RNF220: variants seen among roughly 807,000 people sequenced by gnomAD.
RNF220 encodes the protein E3 ubiquitin-protein ligase RNF220.
In RNF220, 7 loss-of-function variants were observed where a neutral mutation model predicts 67.1. The observed-to-expected ratio is 0.10, with a 90% CI of 0.06 to 0.20. RNF220 has a LOEUF of 0.20. Among genes scored for constraint, RNF220 ranks in the 10% least tolerant of loss-of-function variants. The probability of loss-of-function intolerance (pLI) is 1.00; values close to 1 mark genes in which losing one functional copy is unlikely to be tolerated. For synonymous variants in RNF220, 270 were observed against 283.2 expected (o/e 0.95, Z 0.47); for missense variants, 565 against 740.3 (o/e 0.76, Z 2.75).
chr1:44,530,640 A>G (rs1660769785), intron 2 of RNF220, among the ~76,000 whole-genome samples: 1 of 152,184 alleles, frequency 6.6e-6, no homozygotes, highest in Non-Finnish European at 1.5e-5. Flanking sequence ...GTAGCACAGC[A>G]AATTATAGCA....
intron 6 of RNF220, 94 bp downstream of exon 6, chr1:44,632,479 G>C (rs992781490): frequency 3.9e-5 from 49 of 1,252,508 alleles, no homozygotes; most frequent in African/African-American, 1.4e-4. Flanking sequence ...GGGTCTCTTC[G>C]ACTCTGGGGC....
intron 6 of RNF220, chr1:44,635,159 T>G (rs1042225559): frequency 5.6e-6 from 1 of 178,340 alleles, no homozygotes; most frequent in Middle Eastern, 2.2e-3. Flanking sequence ...AGTCAAGAGA[T>G]GCTCTTTAGA....
chr1:44,590,651 G>A (rs1381004946), intron 2 of RNF220, among the ~76,000 whole-genome samples: 1 of 152,220 alleles, frequency 6.6e-6, no homozygotes, highest in Admixed American at 6.5e-5. Context: ...CTATTACTCA[G>A]GAGGCCATGG....
intron 2 of RNF220, among the ~76,000 whole-genome samples, chr1:44,552,777 G>T (rs943001831): frequency 6.6e-6 from 1 of 151,810 alleles, no homozygotes; most frequent in African/African-American, 2.4e-5. Flanking sequence ...CACCTTGTTA[G>T]CCAGGATGGC....
chr1:44,413,351 C>T (rs1191936161), intron 2 of RNF220, among the ~76,000 whole-genome samples: 1 of 152,168 alleles, frequency 6.6e-6, no homozygotes, highest in Admixed American at 6.5e-5. Context: ...GGATGCTTAT[C>T]CTGGGGCTCA....
chr1:44,643,071 C>G (rs1044133652), intron 8 of RNF220: 1 of 152,530 alleles, frequency 6.6e-6, no homozygotes, highest in African/African-American at 2.4e-5. Context: ...TGCTGCTGAC[C>G]TGACCTGCCT....
rs779591016 is a variant in RNF220, at chr1:44,606,765, A to G, written c.626-7400A>G. Reference sequence around the variant, plus strand: ...TGAACTTCATTCATTTATTTATTCAATAAATATTTATTGAGCATTTACCAC... The same window carrying G: ...TGAACTTCATTCATTTATTTATTCAGTAAATATTTATTGAGCATTTACCAC... On this transcript the variant is annotated intron_variant, in intron 2 of 14. Transcript: ENST00000361799. The surrounding 1 kb of genome is among the most constrained non-coding windows in gnomAD (Gnocchi z 4.2). Among the ~76,000 whole-genome samples the G allele has an allele frequency of 2.6e-5, 4 of 152,108 alleles. No homozygotes were observed. The highest frequency in any genetic ancestry group is 9.7e-5 in the African/African-American group (4 of 41,406).
At chr1:44,588,788 A>C (rs769092161) in intron 2 of RNF220, among the ~76,000 whole-genome samples, 69 of 152,230 alleles carry the variant, frequency 4.5e-4, no homozygotes, top group Non-Finnish European at 8.2e-4. Context: ...GCAGGTGACC[A>C]AACCCCAACC....
rs568681133 is a variant in RNF220 at position 44,434,599 on chromosome 1, C to T, written c.625+21877C>T. Among the ~76,000 whole-genome samples the T allele has an allele frequency of 2.8e-4, 42 of 151,882 alleles. 1 individual carries two copies. The East Asian group carries it at 8.2e-3, about 29-fold the overall frequency. ...AGGCATGGTGGTGGGCGCCTGTAGT[C>T]CTAGCTACTCGGGAGGCTGAGGCAA... On this transcript the variant is annotated intron_variant, in intron 2 of 14. Transcript: ENST00000361799.
In RNF220 at chr1:44,537,208, A is replaced by G. The variant is rs368522807; in HGVS notation, c.626-76957A>G. On this transcript the variant is annotated intron_variant, in intron 2 of 14. Coordinates refer to ENST00000361799, the MANE Select transcript of RNF220 (RefSeq NM_018150.4). ...ACAAACACCTTTCTTTGCGTGGTCTACAACCAACCCCTTCTTGTATCAGAC... is the reference window on the plus strand; with the variant it reads ...ACAAACACCTTTCTTTGCGTGGTCTGCAACCAACCCCTTCTTGTATCAGAC... Among the ~76,000 whole-genome samples, 8 of 152,086 alleles carry G rather than the reference A, an allele frequency of 5.3e-5. No homozygotes were observed. The East Asian group carries it at 7.7e-4, about 15-fold the overall frequency.
Position 44,600,204 on chromosome 1 carries a change from C to G in RNF220, c.626-13961C>G, listed in dbSNP as rs376470023. On this transcript the variant is annotated intron_variant, in intron 2 of 14. Transcript: ENST00000361799. The surrounding 1 kb of genome is among the most constrained non-coding windows in gnomAD (Gnocchi z 4.0). ...AGGTCTAGAGGAAGGTAAGTCCCATCTCAGACATGTTGAGCTTAAAGAGCC... is the reference window on the plus strand; with the variant it reads ...AGGTCTAGAGGAAGGTAAGTCCCATGTCAGACATGTTGAGCTTAAAGAGCC... Among the ~76,000 whole-genome samples the G allele has an allele frequency of 1.3e-5, 2 of 152,300 alleles. No individual in the cohort carries two copies. Among genetic ancestry groups the G allele is most frequent in the South Asian group, 2.1e-4 (1 of 4,826 alleles).
intron 2 of RNF220, among the ~76,000 whole-genome samples, chr1:44,564,718 C>A (rs1378653900): frequency 6.7e-6 from 1 of 149,176 alleles, no homozygotes; most frequent in Non-Finnish European, 1.5e-5. Context: ...CACCATTGCA[C>A]TCCAGCCTGG....
chr1:44,594,809 G>T (rs1232652850), intron 2 of RNF220, among the ~76,000 whole-genome samples: 1 of 152,184 alleles, frequency 6.6e-6, no homozygotes, highest in Non-Finnish European at 1.5e-5. Context: ...GGTAGGGCTG[G>T]GTTGGTTCAA....
chr1:44,486,694 G>A (rs1656337442), intron 2 of RNF220, among the ~76,000 whole-genome samples: 1 of 152,118 alleles, frequency 6.6e-6, no homozygotes, highest in African/African-American at 2.4e-5. Context: ...GAACGGTAAA[G>A]CCCACTTGGG....
chr1:44,534,820 T>G (rs1174320327), intron 2 of RNF220, among the ~76,000 whole-genome samples: 2 of 152,218 alleles, frequency 1.3e-5, no homozygotes, highest in Non-Finnish European at 2.9e-5. Context: ...AGTCAAATCA[T>G]TACGTCTCTA....
chr1:44,529,342 A>G (rs2148185465), intron 2 of RNF220, among the ~76,000 whole-genome samples: 1 of 151,146 alleles, frequency 6.6e-6, no homozygotes, highest in East Asian at 1.9e-4. Context: ...GAAAAAAAAA[A>G]GGAATTACAC....
At chr1:44,620,286 G>T (rs1352400581) in intron 3 of RNF220, among the ~76,000 whole-genome samples, 1 of 152,224 alleles carries the variant, frequency 6.6e-6, no homozygotes, top group African/African-American at 2.4e-5. Context: ...GTTTCAATGA[G>T]ATAACACATG....
At chr1:44,495,327 T>C (rs895707651) in intron 2 of RNF220, among the ~76,000 whole-genome samples, 1 of 152,050 alleles carries the variant, frequency 6.6e-6, no homozygotes, top group Admixed American at 6.6e-5. Flanking sequence ...CACAGAGCAG[T>C]TGATAATTAA....
At chr1:44,630,599 T>C (rs548770088) in intron 5 of RNF220, among the ~76,000 whole-genome samples, 4 of 150,070 alleles carry the variant, frequency 2.7e-5, no homozygotes, top group Admixed American at 1.3e-4. Flanking sequence ...AATCAAAATA[T>C]ACATGATCAA....
Sources: gnomAD v4.1 joint callset for allele counts (sites outside exome capture counted in the v4.1 genomes callset) on GRCh38, gnomAD v4.1.1 for gene constraint, Gnocchi (gnomAD v3.1) non-coding constraint, MANE v1.5 for transcripts, NCBI Gene and HGNC (gene_info 2026-07-23, HGNC 2026-07-21) for gene names.